CFAP221: variants seen among roughly 807,000 people sequenced by gnomAD.
The protein encoded by CFAP221 is cilia and flagella associated protein 221, also known as cilia- and flagella-associated protein 221.
Under a neutral mutation model 113.1 loss-of-function variants are expected in CFAP221, and 97 were observed. That is an observed-to-expected ratio of 0.86 (90% confidence interval 0.73 to 1.02). The LOEUF (loss-of-function observed/expected upper bound fraction) is 1.02, where lower values mean the gene tolerates loss of function less well. Ranked by LOEUF, CFAP221 falls within the 50% of genes least tolerant of loss-of-function variation. The probability of loss-of-function intolerance (pLI) is 0.00; values close to 1 mark genes in which losing one functional copy is unlikely to be tolerated. For missense variants in CFAP221, 1,025 were observed against 1,013.4 expected, an observed-to-expected ratio of 1.01 and a Z score of -0.16; for synonymous variants, 331 against 354.4, an observed-to-expected ratio of 0.93 and a Z score of 0.74.
At chr2:119,584,526 G>A (rs947924945) in intron 6 of CFAP221, among the ~76,000 whole-genome samples, 1 of 152,038 alleles carries the variant, frequency 6.6e-6, no homozygotes, top group Non-Finnish European at 1.5e-5. Flanking sequence ...CATCAAGGCT[G>A]CAGTGAGCTA....
intron 12 of CFAP221, among the ~76,000 whole-genome samples, chr2:119,608,976 G>A (rs1574122392): frequency 6.6e-6 from 1 of 152,350 alleles, no homozygotes; most frequent in East Asian, 1.9e-4. Context: ...GAGACCCAAA[G>A]TTGGTAACCA....
chr2:119,587,193 A>T lies in CFAP221; in HGVS notation c.602A>T (p.His201Leu). The change falls in exon 7 of 24, where the codon CAT (histidine) becomes CTT (leucine). Residue 201 changes from histidine (H) to leucine (L), a missense_variant. Transcript: ENST00000413369. ...FEFYITLIQSHQAFAIEPTSG... is the reference protein window; with the variant it reads ...FEFYITLIQSLQAFAIEPTSG... ...TTTTATATCACCTTGATTCAGTCTCATCAAGCCTTTGCTATTGAGCCAACA... is the reference window on the plus strand; with the variant it reads ...TTTTATATCACCTTGATTCAGTCTCTTCAAGCCTTTGCTATTGAGCCAACA... The T allele has an allele frequency of 1.3e-6, 2 of 1,531,968 alleles. No homozygotes were observed. The highest frequency in any genetic ancestry group is 1.7e-6 in the Non-Finnish European group (2 of 1,144,692). The allele number at this position is 1,531,968 out of a possible 1,614,324, so 94.9% of individuals were successfully genotyped here.
chr2:119,646,675 G>A (rs1402577758), intron 21 of CFAP221, among the ~76,000 whole-genome samples: 1 of 152,106 alleles, frequency 6.6e-6, no homozygotes, highest in Non-Finnish European at 1.5e-5. Context: ...CTCACCCCAG[G>A]AGATAATACA....
intron 5 of CFAP221, among the ~76,000 whole-genome samples, chr2:119,560,623 T>A (rs1443903994): frequency 6.6e-6 from 1 of 152,106 alleles, no homozygotes; most frequent in African/African-American, 2.4e-5. Context: ...CAGACCCCAG[T>A]CTTCAGCTTG....
At position 119,625,476 on chromosome 2, in the gene CFAP221, G is replaced by A. The variant is rs1686233532; in HGVS notation, c.1411-107G>A. 3 of 920,756 alleles carry A rather than the reference G, an allele frequency of 3.3e-6. No individual in the cohort carries two copies. The Admixed American group carries it at 6.3e-5, about 19-fold the overall frequency. The allele number at this position is 920,756 out of a possible 1,614,324, so 57.0% of individuals were successfully genotyped here. On this transcript the variant is annotated intron_variant, in intron 14 of 23. Transcript: ENST00000413369. ...CACTCCCTGTGGACTCTGACTTGCA[G>A]TGGCAGTCTCAGCTCTTAGTGTGGT... is the stretch of plus-strand genomic sequence containing the variant.
At chr2:119,657,479 C>T (rs984826334), downstream of CFAP221, among the ~76,000 whole-genome samples, 4 of 152,212 alleles carry the variant, frequency 2.6e-5, no homozygotes, top group African/African-American at 9.6e-5. Context: ...CAGGGCAGGA[C>T]ATAAGCATCA....
intron 13 of CFAP221, among the ~76,000 whole-genome samples, chr2:119,615,347 C>T (rs1478004669): frequency 2.6e-5 from 4 of 152,180 alleles, no homozygotes; most frequent in Non-Finnish European, 5.9e-5. Flanking sequence ...TCCTCAAAGT[C>T]ACATGTGTTT....
In CFAP221 at chr2:119,577,179, TG is replaced by T. The variant is rs369061909; in HGVS notation, c.528-9936del. 6.8e-3 allele frequency among the ~76,000 whole-genome samples: 1,034 copies of T among 152,226 alleles called. 14 individuals carry two copies. Among genetic ancestry groups the T allele is most frequent in the African/African-American group, 0.024 (980 of 41,538 alleles). ...GGGCCCTCTACCAGCTTTCCTCACA[TG>T]GGGTGGTGGGGAGGGGCTCCAGTCC... On this transcript the variant is annotated intron_variant, in intron 6 of 23. Coordinates refer to ENST00000413369, the MANE Select transcript of CFAP221 (RefSeq NM_001271049.2).
intron 21 of CFAP221, among the ~76,000 whole-genome samples, chr2:119,645,403 T>G (rs1687741681): frequency 6.6e-6 from 1 of 151,704 alleles, no homozygotes; most frequent in African/African-American, 2.4e-5. Flanking sequence ...TGTTTCTCTT[T>G]ATAATGGTAA....
At chr2:119,630,927 G>A in intron 19 of CFAP221, 26 bp downstream of exon 19, 1 of 1,606,808 alleles carries the variant, frequency 6.2e-7, no homozygotes. Flanking sequence ...CAGAAGCCTT[G>A]TTTTCTGTGT....
Position 119,559,779 on chromosome 2 carries a change from A to G in CFAP221, c.327+4A>G. On this transcript the variant is annotated splice_donor_region_variant and intron_variant, in intron 4 of 23. Transcript: ENST00000413369. ...TGAGATCAATTATGTAAGAAAGGTA[A>G]GCGTCATTGGTTTACCTGTTCTCCC... 1 of 1,518,464 alleles carries G rather than the reference A, an allele frequency of 6.6e-7. No individual in the cohort carries two copies. The highest frequency in any genetic ancestry group is 8.8e-7 in the Non-Finnish European group (1 of 1,130,950). The allele number at this position is 1,518,464 out of a possible 1,614,324, so 94.1% of individuals were successfully genotyped here.
intron 6 of CFAP221, among the ~76,000 whole-genome samples, chr2:119,578,231 C>T (rs1267780437): frequency 2.0e-5 from 3 of 152,196 alleles, no homozygotes; most frequent in Non-Finnish European, 2.9e-5. Context: ...GCATCATTTC[C>T]ACTGTATTCT....
chr2:119,560,157 C>T, intron 5 of CFAP221, 131 bp downstream of exon 5: 2 of 707,816 alleles, frequency 2.8e-6, no homozygotes, highest in Non-Finnish European at 4.6e-6. Context: ...CGGGTGTTCC[C>T]CAGGTCACCA....
chr2:119,624,787 G>A (rs531240362), intron 14 of CFAP221, among the ~76,000 whole-genome samples: 16 of 152,136 alleles, frequency 1.1e-4, no homozygotes, highest in East Asian at 5.8e-4. Context: ...ACCAAACACC[G>A]CATGTTCTCC....
At chr2:119,559,870 G>T in intron 4 of CFAP221, 58 bp from the exon 5 acceptor site, 1 of 1,485,328 alleles carries the variant, frequency 6.7e-7, no homozygotes, top group Non-Finnish European at 9.1e-7. Flanking sequence ...TGTCACCCCC[G>T]GTGCTGCTCT....
chr2:119,651,792 G>T (rs544076243), intron 22 of CFAP221, among the ~76,000 whole-genome samples, 182 bp from the exon 23 acceptor site: 1 of 152,148 alleles, frequency 6.6e-6, no homozygotes, highest in Middle Eastern at 3.2e-3. Flanking sequence ...GCCTACCATT[G>T]TTTGTTGGTG....
Position 119,615,667 on chromosome 2 carries a change from C to T in CFAP221, c.1368C>T (p.Ser456=), listed in dbSNP as rs756072464. ...FDPLINNTWL[S]RSRAQKRFQQ... The stretch of plus-strand genomic sequence containing the variant: ...CACTCATTAATAACACTTGGCTCAG[C>T]AGGTCCAGGGCACAAAAACGGTTTC... Residue 456 remains serine, a synonymous_variant, in exon 14 of 24, where the codon AGC becomes AGT. Transcript: ENST00000413369. The T allele has an allele frequency of 1.2e-6, 2 of 1,613,106 alleles. No homozygotes were observed. Among genetic ancestry groups the T allele is most frequent in the South Asian group, 1.1e-5 (1 of 90,772 alleles).
chr2:119,641,824 G>A (rs1234124138), intron 21 of CFAP221, among the ~76,000 whole-genome samples: 2 of 152,160 alleles, frequency 1.3e-5, no homozygotes, highest in Non-Finnish European at 2.9e-5. Context: ...CTTCAGAACT[G>A]ACCTATGCAG....
intron 16 of CFAP221, 86 bp from the exon 17 acceptor site, chr2:119,629,789 A>C: frequency 9.3e-7 from 1 of 1,075,634 alleles, no homozygotes; most frequent in Non-Finnish European, 1.4e-6. Context: ...ACTGGTCACT[A>C]ATGTTTCAAA....
Sources: gnomAD v4.1 joint callset for allele counts (sites outside exome capture counted in the v4.1 genomes callset) on GRCh38, gnomAD v4.1.1 for gene constraint, MANE v1.5 for transcripts, NCBI Gene and HGNC (gene_info 2026-07-23, HGNC 2026-07-21) for gene names.